Variants in NGLY1 observed in about 807,000 individuals in gnomAD.
The protein encoded by NGLY1 is peptide-N(4)-(N-acetyl-beta-glucosaminyl)asparagine amidase.
NGLY1 carries 68 observed loss-of-function variants against 84.6 expected under a neutral mutation model. That is an observed-to-expected ratio of 0.80 (90% CI 0.66 to 0.98). The LOEUF is 0.98. Ranked by LOEUF, NGLY1 falls within the 50% of genes least tolerant of loss-of-function variation. The pLI is 0.00. For synonymous variants in NGLY1, 280 were observed against 275.2 expected (o/e 1.02, Z -0.17); for missense variants, 779 against 770.2 (o/e 1.01, Z -0.14).
At chr3:25,764,449 T>C in intron 2 of NGLY1, 138 bp from the exon 3 acceptor site, 1 of 970,320 alleles carries the variant, frequency 1.0e-6, no homozygotes, top group African/African-American at 1.6e-5. Context: ...TTCTTACCAT[T>C]ATGGTTCTTT....
intron 4 of NGLY1, among the ~76,000 whole-genome samples, chr3:25,740,973 C>T (rs905260332): frequency 6.6e-6 from 1 of 151,668 alleles, no homozygotes; most frequent in African/African-American, 2.4e-5. Context: ...CTAAAAACTA[C>T]AAAAATTTTC....
chr3:25,741,942 A>G (rs932625692), intron 4 of NGLY1, among the ~76,000 whole-genome samples: 1 of 152,202 alleles, frequency 6.6e-6, no homozygotes, highest in African/African-American at 2.4e-5. Flanking sequence ...CGGAGGTTGC[A>G]GTGAGCCGAG....
intron 4 of NGLY1, among the ~76,000 whole-genome samples, chr3:25,741,435 A>C (rs1030248329): frequency 3.9e-5 from 6 of 151,902 alleles, no homozygotes; most frequent in Admixed American, 6.6e-5. Context: ...TATTAGGACA[A>C]ATAGCTATCT....
intron 3 of NGLY1, chr3:25,755,578 T>C: frequency 1.4e-6 from 2 of 1,448,748 alleles, no homozygotes; most frequent in Non-Finnish European, 1.9e-6. Context: ...CCCAAAAATA[T>C]TCTTATTCCC....
upstream of NGLY1, among the ~76,000 whole-genome samples, chr3:25,785,083 A>C (rs1708571509): frequency 6.9e-6 from 1 of 145,234 alleles, no homozygotes. Context: ...ATAAATGGGC[A>C]TGGTTATGTT....
intron 1 of NGLY1, among the ~76,000 whole-genome samples, chr3:25,781,710 A>G (rs2125328049): frequency 6.6e-6 from 1 of 152,360 alleles, no homozygotes; most frequent in African/African-American, 2.4e-5. Context: ...AACGAAAATC[A>G]GCAACGAGCC....
At chr3:25,748,841 G>C (rs1706575055) in intron 4 of NGLY1, among the ~76,000 whole-genome samples, 1 of 151,836 alleles carries the variant, frequency 6.6e-6, no homozygotes, top group African/African-American at 2.4e-5. Context: ...GTGGGCTAAA[G>C]TTCTACTTTA....
intron 3 of NGLY1, among the ~76,000 whole-genome samples, chr3:25,760,270 A>G (rs1707243274): frequency 6.6e-6 from 1 of 152,126 alleles, no homozygotes; most frequent in Non-Finnish European, 1.5e-5. Flanking sequence ...ACATATATAT[A>G]TATGTATGTG....
intron 3 of NGLY1, chr3:25,754,883 T>G (rs1425605253): frequency 1.2e-5 from 8 of 643,490 alleles, no homozygotes. Flanking sequence ...AGTTAAAGAC[T>G]ACCAATAGGC....
At chr3:25,778,430 C>G in intron 2 of NGLY1, 144 bp downstream of exon 2, 1 of 466,088 alleles carries the variant, frequency 2.1e-6, no homozygotes, top group Non-Finnish European at 3.9e-6. Flanking sequence ...TTTTAAATGT[C>G]CAATCAATGA....
At chr3:25,778,258 T>C (rs897827223) in intron 2 of NGLY1, 2 of 179,962 alleles carry the variant, frequency 1.1e-5, no homozygotes, top group Admixed American at 6.1e-5. Context: ...TTAGTATTCA[T>C]GTGTGCTCAC....
intron 2 of NGLY1, chr3:25,777,630 C>G (rs1421888867): frequency 6.6e-6 from 1 of 152,182 alleles, no homozygotes; most frequent in African/African-American, 2.4e-5. Context: ...AGTCACAGCT[C>G]AAATGTCATC....
At chr3:25,728,535 T>G (rs180848766) in intron 10 of NGLY1, among the ~76,000 whole-genome samples, 1 of 152,274 alleles carries the variant, frequency 6.6e-6, no homozygotes, top group East Asian at 1.9e-4. Context: ...GCCTCTTATT[T>G]GTTACTGATA....
chr3:25,751,315 A>C (rs1251125044), intron 3 of NGLY1, 52 bp from the exon 4 acceptor site: 1 of 1,351,604 alleles, frequency 7.4e-7, no homozygotes, highest in East Asian at 2.6e-5. Context: ...TGCTACAAAA[A>C]TAATATATAA....
At chr3:25,730,878 C>T (rs530477617) in intron 9 of NGLY1, among the ~76,000 whole-genome samples, 1 of 152,150 alleles carries the variant, frequency 6.6e-6, no homozygotes, top group South Asian at 2.1e-4. Context: ...TTCTTTCAAG[C>T]ATTTTTCATT....
chr3:25,741,232 G>C (rs1454112072), intron 4 of NGLY1, among the ~76,000 whole-genome samples: 5 of 151,198 alleles, frequency 3.3e-5, no homozygotes, highest in Non-Finnish European at 7.4e-5. Context: ...AGAATCATAA[G>C]GTAAATTTGC....
intron 4 of NGLY1, chr3:25,749,488 A>G (rs1706614207): frequency 1.3e-6 from 2 of 1,555,628 alleles, no homozygotes; most frequent in Admixed American, 3.3e-5. Flanking sequence ...CTTCGGCCTC[A>G]TGGCCGCCCT....
At chr3:25,754,921 TA>T in intron 3 of NGLY1, 2 of 708,050 alleles carry the variant, frequency 2.8e-6, no homozygotes, top group East Asian at 4.9e-5. Flanking sequence ...AGTGGCTGGA[TA>T]ACATGGAATT....
At chr3:25,736,287 G>A in intron 6 of NGLY1, 138 bp from the exon 7 acceptor site, 3 of 1,550,128 alleles carry the variant, frequency 1.9e-6, no homozygotes, top group Non-Finnish European at 2.6e-6. Flanking sequence ...TGCATTTTGT[G>A]GCACACAGGA....
Sources: allele counts gnomAD v4.1 joint callset (sites outside exome capture counted in the v4.1 genomes callset), GRCh38; gene constraint gnomAD v4.1.1; transcripts MANE v1.5; gene names NCBI Gene and HGNC (gene_info 2026-07-23, HGNC 2026-07-21).